Variants in CEP95 observed in about 807,000 individuals in gnomAD.
CEP95 encodes the protein centrosomal protein of 95 kDa.
Under a neutral mutation model 111.2 loss-of-function variants are expected in CEP95, and 98 were observed. The observed-to-expected ratio is 0.88, with a 90% confidence interval of 0.75 to 1.04. CEP95 has a LOEUF of 1.04. Ranked by LOEUF, CEP95 falls within the 50% of genes least tolerant of loss-of-function variation. The pLI, the probability that CEP95 is intolerant of heterozygous loss-of-function variation, is 0.00. For synonymous variants in CEP95, 323 were observed against 327.1 expected (o/e 0.99, Z 0.14); for missense variants, 1,027 against 977.2 (o/e 1.05, Z -0.68).
intron 13 of CEP95, among the ~76,000 whole-genome samples, chr17:64,531,337 G>GT (rs1353305922): frequency 1.3e-5 from 2 of 152,180 alleles, no homozygotes; most frequent in African/African-American, 2.4e-5. Flanking sequence ...TTAAAGAAGA[G>GT]TAAGAGAAGA....
intron 15 of CEP95, 52 bp from the exon 16 acceptor site, chr17:64,533,062 TAAG>T: frequency 6.2e-7 from 1 of 1,605,510 alleles, no homozygotes; most frequent in South Asian, 1.1e-5. Flanking sequence ...AGCTTATCCT[TAAG>T]AATTTAGTGA....
At chr17:64,507,451 C>G (rs1490249525) in intron 1 of CEP95, 6 of 1,324,046 alleles carry the variant, frequency 4.5e-6, no homozygotes, top group Non-Finnish European at 5.8e-6. Context: ...GCCCTCCGCC[C>G]TTGCACTATG....
chr17:64,536,539 A>G (rs1032329407), intron 17 of CEP95, 63 bp from the exon 18 acceptor site: 1 of 1,241,896 alleles, frequency 8.1e-7, no homozygotes, highest in Non-Finnish European at 1.1e-6. Flanking sequence ...CAATCAGTAT[A>G]TACCTCTAGT....
chr17:64,528,376 A>G (rs1555679583), intron 11 of CEP95, among the ~76,000 whole-genome samples: 2 of 152,114 alleles, frequency 1.3e-5, no homozygotes, highest in Non-Finnish European at 2.9e-5. Context: ...AAAAGGACTC[A>G]GCTAATTTCT....
At chr17:64,537,278 AAC>A (rs1555681795) in intron 19 of CEP95, 166 bp downstream of exon 19, 2 of 1,403,688 alleles carry the variant, frequency 1.4e-6, no homozygotes, top group East Asian at 5.1e-5. Flanking sequence ...TTTGCACAAC[AAC>A]AAAATCATTT....
chr17:64,507,447 C>T (rs577778042), intron 1 of CEP95: 6 of 1,326,104 alleles, frequency 4.5e-6, no homozygotes, highest in South Asian at 1.8e-5. Flanking sequence ...GTGTGCCCTC[C>T]GCCCTTGCAC....
Position 64,508,665 on chromosome 17 carries a change from T to C in CEP95, c.93T>C (p.Cys31=). ...TGAGAATACATGAACTTCAAGACTGTGATGCTAATGTTTTTATTGCTCTTT... is the reference window on the plus strand; with the variant it reads ...TGAGAATACATGAACTTCAAGACTGCGATGCTAATGTTTTTATTGCTCTTT... ...IHLRIHELQD[C]DANVFIALYQ... is the part of the protein sequence containing the mutation. The change falls in exon 2 of 20, where the codon TGT becomes TGC. Residue 31 remains cysteine, a synonymous_variant. Transcript: ENST00000556440. 6.8e-7 allele frequency: 1 copy of C among 1,463,168 alleles called. No homozygotes were observed. Among genetic ancestry groups the C allele is most frequent in the Non-Finnish European group, 9.1e-7 (1 of 1,098,686 alleles). 90.6% of individuals were successfully genotyped at this position (1,463,168 alleles called of 1,614,324 possible).
Position 64,530,916 on chromosome 17 carries a change from TC to T in CEP95, c.1447-6del. On this transcript the variant is annotated splice_polypyrimidine_tract_variant and intron_variant, in intron 12 of 19. Transcript: ENST00000556440. ...TTAATAACTGTAATATATGACCTTT[TC>T]CCCTTTAGGCGTTTACTGAAGCATT... 6.7e-7 allele frequency: 1 copy of T among 1,503,546 alleles called. No homozygotes were observed. Among genetic ancestry groups the T allele is most frequent in the Non-Finnish European group, 9.0e-7 (1 of 1,108,080 alleles). The allele number at this position is 1,503,546 out of a possible 1,614,324, so 93.1% of individuals were successfully genotyped here. A position where few individuals can be genotyped will look rare whatever the true frequency, so the allele number is the denominator to read the frequency against.
At chr17:64,530,898 C>T in intron 12 of CEP95, 28 bp from the exon 13 acceptor site, 1 of 1,338,012 alleles carries the variant, frequency 7.5e-7, no homozygotes, top group Non-Finnish European at 1.0e-6. Flanking sequence ...TTTTTAATAA[C>T]TGTAATATAT....
chr17:64,516,913 G>A, intron 5 of CEP95, 85 bp downstream of exon 5: 12 of 719,940 alleles, frequency 1.7e-5, no homozygotes, highest in South Asian at 1.5e-4. Context: ...ATACCAAGAT[G>A]GCACCAAAAA....
At chr17:64,510,345 AC>A (rs2038828318) in intron 3 of CEP95, 65 bp downstream of exon 3, 1 of 1,018,078 alleles carries the variant, frequency 9.8e-7, no homozygotes, top group Non-Finnish European at 1.5e-6. Flanking sequence ...AGAACTGTAG[AC>A]ATTGTTTACT....
chr17:64,529,354 A>G lies in CEP95; in HGVS notation c.1373A>G (p.His458Arg), dbSNP rs1555679788. The G allele has an allele frequency of 4.3e-6, 7 of 1,613,880 alleles. No individual in the cohort carries two copies. Among genetic ancestry groups the G allele is most frequent in the Non-Finnish European group, 5.1e-6 (6 of 1,179,832 alleles). The change falls in exon 12 of 20, where the codon CAC becomes CGC. Residue 458 changes from histidine (H) to arginine (R), a missense_variant. Physicochemically the swap from His to Arg is conservative, Grantham distance 29. Coordinates refer to ENST00000556440, the MANE Select transcript of CEP95 (RefSeq NM_138363.3). ...CTCTCTCCATCTCCAGTTAACAAACACAAACAGTTCCACTTGGAGAGAAAA... is the reference window on the plus strand; with the variant it reads ...CTCTCTCCATCTCCAGTTAACAAACGCAAACAGTTCCACTTGGAGAGAAAA... Reference protein sequence around the residue: ...HSLSPSPVNKHKQFHLERKRQ... With the variant: ...HSLSPSPVNKRKQFHLERKRQ...
At chr17:64,532,581 C>T (rs782751158) in intron 14 of CEP95, 34 of 1,256,118 alleles carry the variant, frequency 2.7e-5, no homozygotes, top group Non-Finnish European at 3.4e-5. Context: ...CCCACAGGCA[C>T]TGAAGCGGCT....
chr17:64,530,633 C>T (rs369104813), intron 12 of CEP95, among the ~76,000 whole-genome samples: 6 of 151,854 alleles, frequency 4.0e-5, no homozygotes, highest in East Asian at 1.9e-4. Flanking sequence ...CTCAGCCTCC[C>T]GAATAGCTGG....
intron 10 of CEP95, 107 bp from the exon 11 acceptor site, chr17:64,527,004 T>C (rs2144489904): frequency 1.3e-6 from 1 of 784,388 alleles, no homozygotes; most frequent in African/African-American, 1.7e-5. Flanking sequence ...TCTGAAAACT[T>C]GTTATTAGTG....
chr17:64,522,131 G>A (rs1967392437), intron 7 of CEP95, among the ~76,000 whole-genome samples: 1 of 152,046 alleles, frequency 6.6e-6, no homozygotes. Flanking sequence ...GATTACAAGC[G>A]TGAGCTCCCG....
At position 64,536,719 on chromosome 17, in the gene CEP95, G is replaced by A. The variant is rs558623027; in HGVS notation, c.2188G>A (p.Asp730Asn). The change falls in exon 18 of 20, where the codon GAC (aspartate) becomes AAC (asparagine). Residue 730 changes from aspartate (D) to asparagine (N), a missense_variant. Asp to Asn is a conservative substitution (Grantham distance 23). Transcript: ENST00000556440. The stretch of plus-strand genomic sequence containing the variant: ...AAGGAGACGCCACCAGGATGAACTG[G>A]ACTCCATGGAGAACTACTATAAGGA... The part of the protein sequence containing the change: ...EQRRRHQDEL[D>N]SMENYYKDQF... The A allele has an allele frequency of 1.2e-6, 2 of 1,611,750 alleles. No individual in the cohort carries two copies. Among genetic ancestry groups the A allele is most frequent in the African/African-American group, 1.3e-5 (1 of 74,756 alleles).
chr17:64,514,141 C>CT (rs1302750860), intron 3 of CEP95, 107 bp from the exon 4 acceptor site: 5 of 533,824 alleles, frequency 9.4e-6, no homozygotes, highest in Non-Finnish European at 1.7e-5. Context: ...TATGTATCGC[C>CT]TGTATTCTTA....
At chr17:64,519,570 C>T in intron 6 of CEP95, 134 bp downstream of exon 6, 1 of 632,610 alleles carries the variant, frequency 1.6e-6, no homozygotes, top group Non-Finnish European at 2.7e-6. Flanking sequence ...CCAGAATATC[C>T]CACTACCCAT....
Sources: gnomAD v4.1 joint callset for allele counts (sites outside exome capture counted in the v4.1 genomes callset) on GRCh38, gnomAD v4.1.1 for gene constraint, MANE v1.5 for transcripts, NCBI Gene and HGNC (gene_info 2026-07-23, HGNC 2026-07-21) for gene names.